FOXK1: variants seen among roughly 807,000 people sequenced by gnomAD.
FOXK1 encodes the protein forkhead box protein K1.
A neutral mutation model predicts 51.9 loss-of-function variants in FOXK1; 19 were observed. The observed-to-expected ratio is 0.37, with a 90% CI of 0.26 to 0.54. FOXK1 has a LOEUF of 0.54. FOXK1 is among the 20% of genes least tolerant of loss of function. FOXK1 has a pLI of 0.87. For missense variants in FOXK1, 870 were observed against 1,032.7 expected, an observed-to-expected ratio of 0.84 and a Z score of 2.16; for synonymous variants, 537 against 482.6, an observed-to-expected ratio of 1.11 and a Z score of -1.48.
intron 6 of FOXK1, 29 bp downstream of exon 6, chr7:4,759,246 C>T (rs372195376): frequency 7.0e-5 from 43 of 613,786 alleles, no homozygotes; most frequent in African/African-American, 3.4e-4. Flanking sequence ...TCTTGCGGGG[C>T]GGGGCGGGGC....
In FOXK1 at chr7:4,711,424, T is replaced by C. The variant is rs1419653758; in HGVS notation, c.560+28556T>C. On this transcript the variant is annotated intron_variant, in intron 1 of 8. Coordinates refer to ENST00000328914, the MANE Select transcript of FOXK1 (RefSeq NM_001037165.2). This position sits in a 1 kb window ranked among gnomAD's most constrained non-coding sequence, Gnocchi z 6.3. ...CGCCAGCTCTCCCTGGAGTGATTCC[T>C]GGATGTTGAGGAGGGAGAGATCTGG... 6.6e-6 allele frequency among the ~76,000 whole-genome samples: 1 copy of C among 152,060 alleles called. No individual in the cohort carries two copies. The highest frequency in any genetic ancestry group is 1.9e-4 in the East Asian group (1 of 5,188).
Position 4,731,771 on chromosome 7 carries a change from A to G in FOXK1, c.561-9067A>G, listed in dbSNP as rs1780480460. 1.3e-5 allele frequency among the ~76,000 whole-genome samples: 2 copies of G among 152,110 alleles called. No individual in the cohort carries two copies. Among genetic ancestry groups the G allele is most frequent in the Admixed American group, 6.5e-5 (1 of 15,280 alleles). On this transcript the variant is annotated intron_variant, in intron 1 of 8. Coordinates refer to ENST00000328914, the MANE Select transcript of FOXK1 (RefSeq NM_001037165.2). The surrounding 1 kb of genome is among the most constrained non-coding windows in gnomAD (Gnocchi z 5.3). ...GAAACTCTGCCTCAAAAAAAAAAAA[A>G]AAAAAAGAAAACAGAGAGGCCTGCT...
intron 1 of FOXK1, among the ~76,000 whole-genome samples, chr7:4,692,820 G>A (rs1779909736): frequency 1.3e-5 from 2 of 151,938 alleles, no homozygotes; most frequent in Non-Finnish European, 2.9e-5. Flanking sequence ...TTGACCTCCT[G>A]GGCTCAAGCA....
chr7:4,716,609 C>T (rs573561193), intron 1 of FOXK1, among the ~76,000 whole-genome samples: 2 of 152,318 alleles, frequency 1.3e-5, no homozygotes, highest in African/African-American at 4.8e-5. Context: ...CCTGCTGTGG[C>T]CACGGGCAGG....
At position 4,732,347 on chromosome 7, in the gene FOXK1, T is replaced by G. The variant is rs115128084; in HGVS notation, c.561-8491T>G. Among the ~76,000 whole-genome samples, 503 of 152,240 alleles carry G rather than the reference T, an allele frequency of 3.3e-3. 2 individuals carry two copies. Among genetic ancestry groups the G allele is most frequent in the African/African-American group, 0.011 (476 of 41,536 alleles). On this transcript the variant is annotated intron_variant, in intron 1 of 8. Coordinates refer to ENST00000328914, the MANE Select transcript of FOXK1 (RefSeq NM_001037165.2). ...AGTTCTCCATTCATTCATTCATTCA[T>G]TCAGTCACCATCATAGCCCACTGCG... is the stretch of plus-strand genomic sequence containing the variant.
Position 4,728,730 on chromosome 7 carries a change from GAAAAA to G in FOXK1, c.561-12091_561-12087del, listed in dbSNP as rs67143977. 3.6e-3 allele frequency among the ~76,000 whole-genome samples: 370 copies of G among 103,896 alleles called. 1 individual carries two copies. The highest frequency in any genetic ancestry group is 5.4e-3 in the Middle Eastern group (1 of 186). 68.2% of individuals were successfully genotyped at this position (103,896 alleles called of 152,430 possible). ...ACATAGTGAGACCACGTCTCTTTTT[GAAAAA>G]AAAAAAAAAAAAAAAAGAAAGAAAA... On this transcript the variant is annotated intron_variant, in intron 1 of 8. Transcript: ENST00000328914.
rs76562699 is a variant in FOXK1, at chr7:4,723,568, C to A, written c.561-17270C>A. The stretch of plus-strand genomic sequence containing the variant: ...TCAGCCCACGGTGCCTCTACAAACA[C>A]AGGTCCCTCCTCGCCGTGGTACAAT... On this transcript the variant is annotated intron_variant, in intron 1 of 8. Coordinates refer to ENST00000328914, the MANE Select transcript of FOXK1 (RefSeq NM_001037165.2). The surrounding 1 kb of genome is among the most constrained non-coding windows in gnomAD (Gnocchi z 4.7). Among the ~76,000 whole-genome samples the A allele has an allele frequency of 0.014, 2,079 of 152,262 alleles. 52 individuals carry two copies. Among genetic ancestry groups the A allele is most frequent in the African/African-American group, 0.047 (1,956 of 41,546 alleles).
chr7:4,712,108 C>G (rs1287817900), intron 1 of FOXK1, among the ~76,000 whole-genome samples: 2 of 151,640 alleles, frequency 1.3e-5, no homozygotes, highest in African/African-American at 4.8e-5. Context: ...ATTGTGACAG[C>G]TTATTTGCCT....
chr7:4,766,925 A>T lies in FOXK1; in HGVS notation c.*4461A>T, dbSNP rs1435301212. 1 of 152,264 alleles carries T rather than the reference A, an allele frequency of 6.6e-6. No individual in the cohort carries two copies. Among genetic ancestry groups the T allele is most frequent in the Non-Finnish European group, 1.5e-5 (1 of 68,066 alleles). The allele number at this position is 152,264 out of a possible 1,614,324, so 9.4% of individuals were successfully genotyped here. A position where few individuals can be genotyped will look rare whatever the true frequency, so the allele number is the denominator to read the frequency against. The stretch of plus-strand genomic sequence containing the variant: ...ATTCAGTGAGTTCAGGAGGAGGAGG[A>T]AGCTTTTCCTTGGCTTTGAAATCAG... On this transcript the variant is annotated 3_prime_UTR_variant, in exon 9 of 9. Transcript: ENST00000328914. The surrounding 1 kb of genome is among the most constrained non-coding windows in gnomAD (Gnocchi z 5.5).
At chr7:4,708,593 C>A (rs575100265) in intron 1 of FOXK1, among the ~76,000 whole-genome samples, 1 of 152,300 alleles carries the variant, frequency 6.6e-6, no homozygotes, top group African/African-American at 2.4e-5. Context: ...CAATTTGCCC[C>A]GAATGGTATA....
chr7:4,692,383 G>A (rs370623863), intron 1 of FOXK1, among the ~76,000 whole-genome samples: 1 of 152,144 alleles, frequency 6.6e-6, no homozygotes, highest in African/African-American at 2.4e-5. Flanking sequence ...ACCTGACAAG[G>A]GGTAGTTTCT....
chr7:4,699,141 C>A (rs75218590), intron 1 of FOXK1, among the ~76,000 whole-genome samples: 5 of 152,184 alleles, frequency 3.3e-5, no homozygotes, highest in Non-Finnish European at 7.3e-5. Context: ...TTTGTCATTA[C>A]TGACCTTGAC....
chr7:4,726,886 C>T (rs1202810243), intron 1 of FOXK1, among the ~76,000 whole-genome samples: 1 of 152,170 alleles, frequency 6.6e-6, no homozygotes, highest in Non-Finnish European at 1.5e-5. Context: ...ACTTAATGTG[C>T]TTAGCACACA....
At position 4,762,408 on chromosome 7, in the gene FOXK1, A is replaced by G. The variant is rs1482074517; in HGVS notation, c.2146A>G (p.Thr716Ala). ...GGAGGAGCCCAGTGGTGCTGTAACC[A>G]CACCGGCTGGAGTGATCGCAGCTGC... ...RVEEPSGAVT[T>A]PAGVIAAAGP... is the part of the protein sequence containing the mutation. The change falls in exon 9 of 9, where the codon ACA becomes GCA. Residue 716 changes from threonine to alanine, a missense_variant. Thr to Ala is a moderately conservative substitution (Grantham distance 58, BLOSUM62 0). This residue lies in a region of FOXK1 where 457 missense variants were observed against 510.8 expected (regional missense o/e 0.89). Transcript: ENST00000328914. The surrounding 1 kb of genome is among the most constrained non-coding windows in gnomAD (Gnocchi z 5.7). The G allele has an allele frequency of 1.3e-6, 2 of 1,550,012 alleles. No homozygotes were observed. The highest frequency in any genetic ancestry group is 2.4e-5 in the South Asian group (2 of 84,048).
At chr7:4,713,006 G>T (rs1264988470) in intron 1 of FOXK1, among the ~76,000 whole-genome samples, 1 of 152,162 alleles carries the variant, frequency 6.6e-6, no homozygotes, top group East Asian at 1.9e-4. Flanking sequence ...AATGACCAGT[G>T]CCAGCAAAGG....
chr7:4,741,096 A>C, intron 2 of FOXK1, 73 bp downstream of exon 2: 1 of 1,094,844 alleles, frequency 9.1e-7, no homozygotes, highest in East Asian at 3.1e-5. Context: ...TGTCGTACGC[A>C]GCACCGGGTT....
intron 1 of FOXK1, among the ~76,000 whole-genome samples, chr7:4,718,895 C>T (rs958546541): frequency 1.2e-4 from 18 of 151,982 alleles, no homozygotes; most frequent in African/African-American, 4.1e-4. Flanking sequence ...CCACAGCCTC[C>T]GCCTCCGGGG....
intron 1 of FOXK1, among the ~76,000 whole-genome samples, chr7:4,739,481 T>C (rs1411232799): frequency 6.6e-6 from 1 of 152,238 alleles, no homozygotes; most frequent in Non-Finnish European, 1.5e-5. Context: ...CTCATCAGTT[T>C]AGAAATTGAA....
At chr7:4,727,551 G>A (rs1317070647) in intron 1 of FOXK1, among the ~76,000 whole-genome samples, 1 of 152,200 alleles carries the variant, frequency 6.6e-6, no homozygotes, top group Non-Finnish European at 1.5e-5. Flanking sequence ...CTGACCTCAG[G>A]TGATCCTCCT....
Sources: allele counts gnomAD v4.1 joint callset (sites outside exome capture counted in the v4.1 genomes callset), GRCh38; gene constraint gnomAD v4.1.1; regional missense constraint gnomAD v4.1.1; non-coding constraint Gnocchi (gnomAD v3.1); transcripts MANE v1.5; gene names NCBI Gene and HGNC (gene_info 2026-07-23, HGNC 2026-07-21).